Variants in GOLM2 observed in about 807,000 individuals in gnomAD.
GOLM2 encodes golgi membrane protein 2.
In GOLM2, 26 loss-of-function variants were observed where a neutral mutation model predicts 55.9. The observed-to-expected ratio is 0.47, with a 90% CI of 0.34 to 0.65. The LOEUF is 0.65. Among genes scored for constraint, GOLM2 ranks in the 30% least tolerant of loss-of-function variants. The pLI is 0.01. For missense variants in GOLM2, 486 were observed against 531.8 expected, an observed-to-expected ratio of 0.91 and a Z score of 0.85; for synonymous variants, 165 against 194.6, an observed-to-expected ratio of 0.85 and a Z score of 1.27.
intron 6 of GOLM2, among the ~76,000 whole-genome samples, chr15:44,361,098 G>C (rs1479662896): frequency 6.7e-6 from 1 of 150,086 alleles, no homozygotes; most frequent in African/African-American, 2.5e-5. Context: ...ACAAGAGAAA[G>C]CAGGAAAGAT....
chr15:44,397,538 G>C (rs2079536305), intron 8 of GOLM2, among the ~76,000 whole-genome samples: 1 of 133,372 alleles, frequency 7.5e-6, no homozygotes, highest in Admixed American at 7.9e-5. Flanking sequence ...ACACATCATA[G>C]ATTTATACCA....
intron 6 of GOLM2, among the ~76,000 whole-genome samples, chr15:44,338,679 G>A (rs2079072852): frequency 6.6e-6 from 1 of 152,090 alleles, no homozygotes; most frequent in Admixed American, 6.6e-5. Flanking sequence ...TGTGTTGTTG[G>A]TGTGCTTTAA....
intron 9 of GOLM2, among the ~76,000 whole-genome samples, chr15:44,407,616 A>C (rs1014325096): frequency 2.0e-5 from 3 of 150,260 alleles, no homozygotes; most frequent in African/African-American, 7.3e-5. Context: ...TTTTTTTTTA[A>C]ATTTTTTTTA....
At position 44,289,716 on chromosome 15, in the gene GOLM2, T is replaced by G. The variant is rs1363425809; in HGVS notation, c.327+360T>G. Among the ~76,000 whole-genome samples the G allele has an allele frequency of 6.6e-6, 1 of 152,230 alleles. No individual in the cohort carries two copies. The highest frequency in any genetic ancestry group is 1.5e-5 in the Non-Finnish European group (1 of 68,046). On this transcript the variant is annotated intron_variant, in intron 1 of 9. Transcript: ENST00000299957. The surrounding 1 kb of genome is among the most constrained non-coding windows in gnomAD (Gnocchi z 4.8). ...CGACTGCCAGGTTTGGTGTGGTTAT[T>G]GTCTCATTTTTATTCCGTGCACACT...
At chr15:44,392,547 C>G (rs550611293) in intron 8 of GOLM2, among the ~76,000 whole-genome samples, 6 of 151,000 alleles carry the variant, frequency 4.0e-5, no homozygotes, top group African/African-American at 1.5e-4. Flanking sequence ...CGCTTGAACC[C>G]GGGAGGCGGA....
intron 6 of GOLM2, among the ~76,000 whole-genome samples, chr15:44,374,027 C>T (rs930962602): frequency 6.6e-6 from 1 of 151,720 alleles, no homozygotes; most frequent in African/African-American, 2.4e-5. Flanking sequence ...CTTGAACCCA[C>T]GGGGCTGAGG....
chr15:44,384,197 C>G (rs117927885), intron 8 of GOLM2, among the ~76,000 whole-genome samples: 1 of 152,222 alleles, frequency 6.6e-6, no homozygotes, highest in African/African-American at 2.4e-5. Context: ...CACTCTAGTT[C>G]CAGAATATTT....
intron 6 of GOLM2, among the ~76,000 whole-genome samples, chr15:44,360,295 A>C (rs1255686495): frequency 6.6e-6 from 1 of 152,224 alleles, no homozygotes; most frequent in African/African-American, 2.4e-5. Context: ...AGTGTGTTGT[A>C]TTCAGGAAAC....
At chr15:44,366,928 G>A (rs571468052) in intron 6 of GOLM2, among the ~76,000 whole-genome samples, 9 of 152,152 alleles carry the variant, frequency 5.9e-5, no homozygotes, top group Non-Finnish European at 1.0e-4. Context: ...TTTTGGTAGA[G>A]ATTATTTTTC....
intron 8 of GOLM2, among the ~76,000 whole-genome samples, chr15:44,384,016 C>T (rs2141196894): frequency 1.3e-5 from 2 of 152,204 alleles, no homozygotes; most frequent in African/African-American, 4.8e-5. Flanking sequence ...AGATTTATCA[C>T]AGTTTTCCTC....
intron 1 of GOLM2, among the ~76,000 whole-genome samples, chr15:44,313,139 C>T (rs1317089400): frequency 1.3e-5 from 2 of 151,660 alleles, no homozygotes. Flanking sequence ...ATCCCAGCTA[C>T]TTGGGAGGCT....
chr15:44,293,337 C>A (rs1182575246), intron 1 of GOLM2, among the ~76,000 whole-genome samples: 1 of 152,200 alleles, frequency 6.6e-6, no homozygotes, highest in Non-Finnish European at 1.5e-5. Context: ...ATGCATTTGT[C>A]ACAATTAATG....
At chr15:44,411,764 G>A (rs1031835146) in intron 9 of GOLM2, among the ~76,000 whole-genome samples, 3 of 150,704 alleles carry the variant, frequency 2.0e-5, no homozygotes, top group African/African-American at 4.9e-5. Context: ...AGGAGACAGA[G>A]GTTGCATTGA....
At chr15:44,399,344 G>A (rs1246913864) in intron 8 of GOLM2, among the ~76,000 whole-genome samples, 1 of 152,184 alleles carries the variant, frequency 6.6e-6, no homozygotes, top group Non-Finnish European at 1.5e-5. Flanking sequence ...TGAAATGTTG[G>A]AAGCCCAGTA....
intron 4 of GOLM2, 32 bp from the exon 5 acceptor site, chr15:44,337,731 G>T (rs751394335): frequency 2.1e-5 from 32 of 1,522,054 alleles, no homozygotes; most frequent in Non-Finnish European, 2.5e-5. Flanking sequence ...AATTTGAACT[G>T]AAAAATATTA....
intron 1 of GOLM2, among the ~76,000 whole-genome samples, chr15:44,312,994 A>C (rs982603113): frequency 1.3e-5 from 2 of 151,872 alleles, no homozygotes; most frequent in African/African-American, 4.8e-5. Context: ...CAGGAGAATC[A>C]TTTGAACTCA....
chr15:44,290,205 C>A (rs914194270), intron 1 of GOLM2, among the ~76,000 whole-genome samples: 2 of 152,048 alleles, frequency 1.3e-5, no homozygotes, highest in African/African-American at 4.8e-5. Context: ...CTAAATAATC[C>A]TTGTTTTCAT....
chr15:44,378,615 G>T (rs1162249703), intron 6 of GOLM2, among the ~76,000 whole-genome samples: 1 of 151,500 alleles, frequency 6.6e-6, no homozygotes. Context: ...GTAAATAAAA[G>T]AAAAGAAAAG....
chr15:44,324,055 A>G (rs950497246), intron 2 of GOLM2, among the ~76,000 whole-genome samples: 5 of 152,238 alleles, frequency 3.3e-5, no homozygotes, highest in African/African-American at 1.2e-4. Context: ...ACCAAAATAT[A>G]TTAGGATGAC....
Sources: allele counts gnomAD v4.1 joint callset (sites outside exome capture counted in the v4.1 genomes callset), GRCh38; gene constraint gnomAD v4.1.1; non-coding constraint Gnocchi (gnomAD v3.1); transcripts MANE v1.5; gene names NCBI Gene and HGNC (gene_info 2026-07-23, HGNC 2026-07-21).